DCAF10: variants seen among roughly 807,000 people sequenced by gnomAD.
DCAF10 encodes the protein DDB1- and CUL4-associated factor 10.
DCAF10 carries 19 observed loss-of-function variants against 51.9 expected under a neutral mutation model. The ratio of observed to expected loss-of-function variants is 0.37; its 90% CI spans 0.26 to 0.54. DCAF10 has a LOEUF of 0.54. DCAF10 is among the 20% of genes least tolerant of loss of function. The pLI is 0.87. For missense variants in DCAF10, 510 were observed against 730.6 expected (o/e 0.70, Z 3.48); for synonymous variants, 291 against 297.1 (o/e 0.98, Z 0.21).
At chr9:37,841,769 T>C (rs1300397934) in intron 2 of DCAF10, among the ~76,000 whole-genome samples, 1 of 152,184 alleles carries the variant, frequency 6.6e-6, no homozygotes, top group African/African-American at 2.4e-5. Context: ...TTGTTTCCTA[T>C]AGAGATTCTG....
chr9:37,858,696 T>C (rs1210480843), intron 5 of DCAF10, among the ~76,000 whole-genome samples: 2 of 152,236 alleles, frequency 1.3e-5, no homozygotes, highest in Non-Finnish European at 2.9e-5. Context: ...TTGGAAATCC[T>C]GGATCTTCAG....
intron 3 of DCAF10, among the ~76,000 whole-genome samples, chr9:37,844,284 G>T (rs1264400631): frequency 2.0e-5 from 3 of 152,194 alleles, no homozygotes; most frequent in Non-Finnish European, 4.4e-5. Context: ...ACTTTGGGAG[G>T]CTGAGGTGGG....
intron 3 of DCAF10, among the ~76,000 whole-genome samples, chr9:37,848,972 C>CAAA (rs11421562): frequency 3.5e-5 from 3 of 84,722 alleles, no homozygotes; most frequent in Non-Finnish European, 2.6e-5. Context: ...GACTCTGTCT[C>CAAA]AAAAAAAAAA....
chr9:37,800,882 C>T lies in DCAF10; in HGVS notation c.16C>T (p.Pro6Ser). 6.7e-7 allele frequency: 1 copy of T among 1,496,160 alleles called. No homozygotes were observed. The highest frequency in any genetic ancestry group is 8.9e-7 in the Non-Finnish European group (1 of 1,129,782). The allele number at this position is 1,496,160 out of a possible 1,614,324, so 92.7% of individuals were successfully genotyped here. Residue 6 changes from proline to serine, a missense_variant, in exon 1 of 7, where the codon CCC (proline) becomes TCC (serine). Pro to Ser is a moderately conservative substitution (Grantham distance 74). This residue lies in a region of DCAF10 where 251 missense variants were observed against 227.9 expected (regional missense o/e 1.10). Transcript: ENST00000377724. MFPFGPHSPGGDGSAG... is the reference protein window; with the variant it reads MFPFGSHSPGGDGSAG... ...GGCGTTGATCATGTTTCCCTTTGGG[C>T]CCCATAGCCCTGGAGGGGACGGATC...
At chr9:37,810,380 G>A (rs918187882) in intron 1 of DCAF10, among the ~76,000 whole-genome samples, 4 of 152,206 alleles carry the variant, frequency 2.6e-5, no homozygotes, top group African/African-American at 9.6e-5. Flanking sequence ...CAGCATTTGA[G>A]CTCGCTTCTC....
chr9:37,819,835 T>C (rs1028538167), intron 2 of DCAF10, among the ~76,000 whole-genome samples: 4 of 152,208 alleles, frequency 2.6e-5, no homozygotes, highest in Admixed American at 6.5e-5. Context: ...TGTAGCATCA[T>C]TGGAAGCTCC....
At chr9:37,834,055 T>A (rs1830079616) in intron 2 of DCAF10, among the ~76,000 whole-genome samples, 1 of 152,172 alleles carries the variant, frequency 6.6e-6, no homozygotes, top group Admixed American at 6.5e-5. Flanking sequence ...TTCTCCTGCG[T>A]CAGCCTCCCG....
At chr9:37,807,612 TTTTA>T (rs941914722) in intron 1 of DCAF10, among the ~76,000 whole-genome samples, 2 of 151,826 alleles carry the variant, frequency 1.3e-5, no homozygotes, top group East Asian at 1.9e-4. Flanking sequence ...TGTTTTTAAA[TTTTA>T]TTTATGTTAA....
chr9:37,860,745 G>C (rs2118202223), intron 6 of DCAF10, among the ~76,000 whole-genome samples: 1 of 152,318 alleles, frequency 6.6e-6, no homozygotes, highest in Non-Finnish European at 1.5e-5. Context: ...ACTGGTCCTA[G>C]AGGCCACAAC....
At chr9:37,806,776 G>A (rs1191164713) in intron 1 of DCAF10, among the ~76,000 whole-genome samples, 1 of 152,106 alleles carries the variant, frequency 6.6e-6, no homozygotes, top group Non-Finnish European at 1.5e-5. Context: ...GGATAAGTGT[G>A]CCAACACCCA....
At chr9:37,856,029 T>C (rs536598206) in intron 4 of DCAF10, among the ~76,000 whole-genome samples, 2 of 152,208 alleles carry the variant, frequency 1.3e-5, no homozygotes, top group South Asian at 4.2e-4. Context: ...CATGCATCTG[T>C]AGTCCCATCT....
At chr9:37,809,240 A>G (rs531161920) in intron 1 of DCAF10, among the ~76,000 whole-genome samples, 3 of 152,268 alleles carry the variant, frequency 2.0e-5, no homozygotes, top group Admixed American at 6.5e-5. Flanking sequence ...AACTTGTGGG[A>G]TACAAGTAAA....
chr9:37,861,635 A>G lies in DCAF10; in HGVS notation c.*127A>G. Reference sequence around the variant, plus strand: ...TCAAGATCCTGGTTCTTATGGGTCCATGAACACACTTGTGACCTTAGTACT... The same window carrying G: ...TCAAGATCCTGGTTCTTATGGGTCCGTGAACACACTTGTGACCTTAGTACT... On this transcript the variant is annotated 3_prime_UTR_variant, in exon 7 of 7. Coordinates refer to ENST00000377724, the MANE Select transcript of DCAF10 (RefSeq NM_024345.5). This position sits in a 1 kb window ranked among gnomAD's most constrained non-coding sequence, Gnocchi z 4.9. 7.4e-7 allele frequency: 1 copy of G among 1,349,594 alleles called. No homozygotes were observed. The highest frequency in any genetic ancestry group is 1.0e-6 in the Non-Finnish European group (1 of 1,004,222). The allele number at this position is 1,349,594 out of a possible 1,614,324, so 83.6% of individuals were successfully genotyped here. A position where few individuals can be genotyped will look rare whatever the true frequency, so the allele number is the denominator to read the frequency against.
intron 2 of DCAF10, among the ~76,000 whole-genome samples, chr9:37,837,766 C>T (rs1291710578): frequency 6.6e-6 from 1 of 151,994 alleles, no homozygotes; most frequent in Admixed American, 6.6e-5. Flanking sequence ...AGTTTTTCCC[C>T]CCTTAAACTG....
chr9:37,814,104 A>G (rs1184954642), intron 1 of DCAF10, among the ~76,000 whole-genome samples: 2 of 102,908 alleles, frequency 1.9e-5, no homozygotes, highest in African/African-American at 3.8e-5. Flanking sequence ...ATATATATAT[A>G]TATATATATA....
intron 1 of DCAF10, among the ~76,000 whole-genome samples, chr9:37,806,933 G>C (rs970151160): frequency 1.3e-5 from 2 of 152,142 alleles, no homozygotes; most frequent in Non-Finnish European, 2.9e-5. Flanking sequence ...TCTGTACCTT[G>C]GTGTATGCTG....
chr9:37,848,801 C>G (rs1483145242), intron 3 of DCAF10, among the ~76,000 whole-genome samples: 1 of 151,602 alleles, frequency 6.6e-6, no homozygotes, highest in Non-Finnish European at 1.5e-5. Flanking sequence ...GGTGAAATCC[C>G]GTCTCTACTA....
rs1829938829 is a variant in DCAF10, at chr9:37,829,210, T to C, written c.653+9809T>C. Among the ~76,000 whole-genome samples, 1 of 152,082 alleles carries C rather than the reference T, an allele frequency of 6.6e-6. No individual in the cohort carries two copies. Among genetic ancestry groups the C allele is most frequent in the African/African-American group, 2.4e-5 (1 of 41,410 alleles). ...CTCATGCCTGTAATTCCCGCACTTT[T>C]GGGTGGATCACCTGAGGTAGGGAGT... On this transcript the variant is annotated intron_variant, in intron 2 of 6. Coordinates refer to ENST00000377724, the MANE Select transcript of DCAF10 (RefSeq NM_024345.5). The surrounding 1 kb of genome is among the most constrained non-coding windows in gnomAD (Gnocchi z 4.2).
At chr9:37,828,937 A>G (rs568068837) in intron 2 of DCAF10, among the ~76,000 whole-genome samples, 5 of 152,362 alleles carry the variant, frequency 3.3e-5, no homozygotes, top group African/African-American at 1.2e-4. Flanking sequence ...TAAGTGTAAG[A>G]AAGGATTTTT....
Sources: allele counts gnomAD v4.1 joint callset (sites outside exome capture counted in the v4.1 genomes callset), GRCh38; gene constraint gnomAD v4.1.1; regional missense constraint gnomAD v4.1.1; non-coding constraint Gnocchi (gnomAD v3.1); transcripts MANE v1.5; gene names NCBI Gene and HGNC (gene_info 2026-07-23, HGNC 2026-07-21).